NFASC: variants seen among roughly 807,000 people sequenced by gnomAD.
NFASC encodes the protein neurofascin.
In NFASC, 43 loss-of-function variants were observed where a neutral mutation model predicts 147.5. The observed-to-expected ratio is 0.29, with a 90% CI of 0.23 to 0.38. NFASC has a LOEUF of 0.38. NFASC is among the 10% of genes least tolerant of loss of function. The pLI, the probability that NFASC is intolerant of heterozygous loss-of-function variation, is 1.00. For missense variants in NFASC, 1,320 were observed against 1,689.0 expected (o/e 0.78, Z 3.83); for synonymous variants, 622 against 665.5 (o/e 0.93, Z 1.01).
chr1:204,947,548 T>C (rs940424334), intron 3 of NFASC, among the ~76,000 whole-genome samples: 1 of 152,180 alleles, frequency 6.6e-6, no homozygotes, highest in Admixed American at 6.5e-5. Context: ...CAATCCCTCA[T>C]TGAAGGCCCA....
At position 205,001,295 on chromosome 1, in the gene NFASC, T is replaced by A. The variant is rs1467302283; in HGVS notation, c.3136+9T>A. The A allele has an allele frequency of 6.3e-7, 1 of 1,583,208 alleles. No homozygotes were observed. The highest frequency in any genetic ancestry group is 1.3e-5 in the African/African-American group (1 of 74,378). On this transcript the variant is annotated intron_variant, in intron 26 of 29. Transcript: ENST00000339876. ...GGTTGAGTACATCGACAGTAAGCATTGCTGTGCGGGGTGGTGGTGGCGGCA... is the reference window on the plus strand; with the variant it reads ...GGTTGAGTACATCGACAGTAAGCATAGCTGTGCGGGGTGGTGGTGGCGGCA...
chr1:205,017,880 A>G lies in NFASC; in HGVS notation c.*1341A>G, dbSNP rs970825782. The G allele has an allele frequency of 6.5e-6, 1 of 152,750 alleles. No homozygotes were observed. Among genetic ancestry groups the G allele is most frequent in the African/African-American group, 2.4e-5 (1 of 41,456 alleles). The allele number at this position is 152,750 out of a possible 1,614,324, so 9.5% of individuals were successfully genotyped here. On this transcript the variant is annotated 3_prime_UTR_variant, in exon 30 of 30. Transcript: ENST00000339876. ...TCAATGCTCTTTGTATGCCTTATGC[A>G]GCGCTGATCTGTCCCTGGAGTTCCC... is the stretch of plus-strand genomic sequence containing the variant.
chr1:204,950,282 A>G (rs74138673), intron 3 of NFASC, among the ~76,000 whole-genome samples: 2,942 of 152,274 alleles, frequency 0.019, 114 homozygotes, highest in African/African-American at 0.067. Context: ...CTGTCCTTTG[A>G]TCAGAGCCAG....
intron 1 of NFASC, among the ~76,000 whole-genome samples, chr1:204,912,571 C>G (rs7550372): frequency 0.22 from 33,329 of 151,768 alleles, 4,005 homozygotes; most frequent in Non-Finnish European, 0.27. Flanking sequence ...GATGCGGTGG[C>G]AAGCATCTGT....
At chr1:204,924,311 A>G (rs2091102121) in intron 2 of NFASC, among the ~76,000 whole-genome samples, 1 of 152,234 alleles carries the variant, frequency 6.6e-6, no homozygotes, top group South Asian at 2.1e-4. Context: ...GAGAGAAGGA[A>G]CAGGTGCTGC....
At chr1:204,829,577 G>A (rs560220284) in intron 1 of NFASC, among the ~76,000 whole-genome samples, 9 of 152,270 alleles carry the variant, frequency 5.9e-5, no homozygotes, top group African/African-American at 2.2e-4. Context: ...AAGAATGCTG[G>A]GGGTTAGTAG....
intron 4 of NFASC, 21 bp from the exon 5 acceptor site, chr1:204,951,990 G>T: frequency 1.2e-6 from 2 of 1,608,448 alleles, no homozygotes; most frequent in Non-Finnish European, 1.7e-6. Flanking sequence ...CCCTGACCAT[G>T]CTCCCTGTGC....
intron 1 of NFASC, among the ~76,000 whole-genome samples, chr1:204,878,787 G>A (rs10900426): frequency 0.13 from 20,536 of 152,150 alleles, 2,640 homozygotes; most frequent in East Asian, 0.69. Flanking sequence ...TCTGGGCACC[G>A]TGGAGCTAAA....
At chr1:204,984,057 T>G (rs1307203857) in intron 21 of NFASC, 1 of 1,614,012 alleles carries the variant, frequency 6.2e-7, no homozygotes, top group Admixed American at 1.7e-5. Flanking sequence ...GAAGTTAAAG[T>G]CCGAGTCATG....
chr1:204,997,105 G>T (rs757715885), intron 24 of NFASC, 65 bp from the exon 25 acceptor site: 1 of 1,560,296 alleles, frequency 6.4e-7, no homozygotes, highest in South Asian at 1.2e-5. Context: ...GCACGCGGGG[G>T]CCGTGTGTCC....
intron 1 of NFASC, among the ~76,000 whole-genome samples, chr1:204,873,131 G>C (rs773337224): frequency 7.1e-6 from 1 of 140,476 alleles, no homozygotes; most frequent in African/African-American, 3.1e-5. Context: ...AGTGAGGGGG[G>C]CTATGTGAAA....
intron 1 of NFASC, among the ~76,000 whole-genome samples, chr1:204,876,222 C>A (rs1351719151): frequency 6.6e-6 from 1 of 151,702 alleles, no homozygotes; most frequent in Non-Finnish European, 1.5e-5. Flanking sequence ...ATGTATATGC[C>A]CCATGTAACC....
chr1:204,855,628 A>G (rs1349345388), intron 1 of NFASC, among the ~76,000 whole-genome samples: 1 of 152,138 alleles, frequency 6.6e-6, no homozygotes, highest in African/African-American at 2.4e-5. Flanking sequence ...TGGACCCAAG[A>G]GACTGGAGGA....
chr1:204,947,616 CTCCCTCCCTCCCTCCT>C (rs1238807571), intron 3 of NFASC, among the ~76,000 whole-genome samples: 1 of 149,156 alleles, frequency 6.7e-6, no homozygotes, highest in Non-Finnish European at 1.5e-5. Context: ...CACCCATCCC[CTCCCTCCCTCCCTCCT>C]TCCCTCCCTA....
intron 1 of NFASC, among the ~76,000 whole-genome samples, chr1:204,872,182 C>T (rs950622071): frequency 6.6e-6 from 1 of 152,216 alleles, no homozygotes; most frequent in African/African-American, 2.4e-5. Flanking sequence ...CAGACCTCAC[C>T]CCAGGACAGA....
At chr1:204,923,552 C>T in intron 2 of NFASC, among the ~76,000 whole-genome samples, 1 of 152,164 alleles carries the variant, frequency 6.6e-6, no homozygotes, top group South Asian at 2.1e-4. Context: ...AGTCCCTCTG[C>T]CTGTCAGAGA....
chr1:204,879,320 T>G (rs1229504641), intron 1 of NFASC, among the ~76,000 whole-genome samples: 1 of 116,390 alleles, frequency 8.6e-6, no homozygotes, highest in Admixed American at 1.2e-4. Context: ...GTGTACGTTG[T>G]GTCTCATATT....
chr1:204,916,798 G>A (rs535939908), intron 1 of NFASC, among the ~76,000 whole-genome samples: 3 of 151,782 alleles, frequency 2.0e-5, no homozygotes, highest in African/African-American at 4.8e-5. Context: ...GTCTCGAACC[G>A]CTGGGCTCAA....
intron 1 of NFASC, among the ~76,000 whole-genome samples, chr1:204,857,020 G>A (rs939846251): frequency 5.9e-5 from 9 of 152,164 alleles, no homozygotes; most frequent in African/African-American, 7.2e-5. Flanking sequence ...ACCTGCTTTC[G>A]ATTCTTTGGG....
Sources: allele counts gnomAD v4.1 joint callset (sites outside exome capture counted in the v4.1 genomes callset), GRCh38; gene constraint gnomAD v4.1.1; transcripts MANE v1.5; gene names NCBI Gene and HGNC (gene_info 2026-07-23, HGNC 2026-07-21).